Variants in AGTPBP1 observed in about 807,000 individuals in gnomAD.
AGTPBP1 encodes the protein cytosolic carboxypeptidase 1.
A neutral mutation model predicts 143.9 loss-of-function variants in AGTPBP1; 70 were observed. The ratio of observed to expected loss-of-function variants is 0.49; its 90% CI spans 0.40 to 0.59. The LOEUF (loss-of-function observed/expected upper bound fraction) is 0.59. AGTPBP1 is among the 20% of genes least tolerant of loss of function. The pLI, the probability that AGTPBP1 is intolerant of heterozygous loss-of-function variation, is 0.00. For synonymous variants in AGTPBP1, 463 were observed against 500.2 expected (o/e 0.93, Z 0.99); for missense variants, 1,229 against 1,464.5 (o/e 0.84, Z 2.62).
rs185539318 is a variant in AGTPBP1 at position 85,568,127 on chromosome 9, G to A, written c.3503+7188C>T. ...CTAAAATAAGGCTACTCAAGGTGTGGTCCATTGACCAGTGTGGTCCACAAA... is the reference window on the plus strand; with the variant it reads ...CTAAAATAAGGCTACTCAAGGTGTGATCCATTGACCAGTGTGGTCCACAAA... On this transcript the variant is annotated intron_variant, in intron 25 of 25. Coordinates refer to ENST00000357081, the MANE Select transcript of AGTPBP1 (RefSeq NM_001330701.2). Among the ~76,000 whole-genome samples the A allele has an allele frequency of 4.9e-3, 742 of 152,256 alleles. 4 individuals carry two copies. The highest frequency in any genetic ancestry group is 0.014 in the Middle Eastern group (4 of 294).
At chr9:85,728,700 G>C (rs1024032907) in intron 1 of AGTPBP1, among the ~76,000 whole-genome samples, 5 of 150,506 alleles carry the variant, frequency 3.3e-5, no homozygotes, top group Non-Finnish European at 7.4e-5. Flanking sequence ...GCCTACAAAA[G>C]ATGAAAAAAA....
the AGTPBP1 span, among the ~76,000 whole-genome samples, chr9:85,762,371 C>T: frequency 6.6e-6 from 1 of 152,026 alleles, no homozygotes; most frequent in Non-Finnish European, 1.5e-5. Context: ...GGAACCAACC[C>T]AAATGTCCAA....
chr9:85,692,335 A>G (rs1835933909), intron 3 of AGTPBP1, among the ~76,000 whole-genome samples: 1 of 148,264 alleles, frequency 6.7e-6, no homozygotes, highest in African/African-American at 2.5e-5. Flanking sequence ...GTGCAGTGGC[A>G]CGATCTCAGC....
intron 14 of AGTPBP1, among the ~76,000 whole-genome samples, chr9:85,626,321 A>G (rs895474991): frequency 6.6e-6 from 1 of 152,242 alleles, no homozygotes. Flanking sequence ...AAAACTGTAC[A>G]GTAGAAATTC....
chr9:85,680,130 A>G (rs1177646442), intron 4 of AGTPBP1, among the ~76,000 whole-genome samples: 1 of 152,212 alleles, frequency 6.6e-6, no homozygotes, highest in Non-Finnish European at 1.5e-5. Context: ...CTATAGTAGT[A>G]GTCTATCTAT....
At chr9:85,605,004 A>G (rs1829906787) in intron 17 of AGTPBP1, among the ~76,000 whole-genome samples, 1 of 152,206 alleles carries the variant, frequency 6.6e-6, no homozygotes, top group South Asian at 2.1e-4. Flanking sequence ...AATATCCTCA[A>G]AAGTACAAAT....
the AGTPBP1 span, among the ~76,000 whole-genome samples, chr9:85,803,258 G>C: frequency 1.3e-5 from 2 of 152,184 alleles, no homozygotes; most frequent in African/African-American, 4.8e-5. Context: ...TAATCACAAA[G>C]TGCAAACATA....
At chr9:85,619,451 C>T in intron 15 of AGTPBP1, 150 bp from the exon 16 acceptor site, 1 of 581,656 alleles carries the variant, frequency 1.7e-6, no homozygotes, top group Non-Finnish European at 2.9e-6. Context: ...CAAGCACAAT[C>T]AATACATTAA....
At chr9:85,758,205 A>G in the AGTPBP1 span, among the ~76,000 whole-genome samples, 1 of 152,224 alleles carries the variant, frequency 6.6e-6, no homozygotes, top group Non-Finnish European at 1.5e-5. Flanking sequence ...AACAAAAGGA[A>G]AAAATAAACT....
chr9:85,705,892 A>G (rs559016215), intron 2 of AGTPBP1, among the ~76,000 whole-genome samples: 802 of 151,938 alleles, frequency 5.3e-3, no homozygotes, highest in Middle Eastern at 0.01. Context: ...GGGTTTCACC[A>G]TGTTAGCCAG....
chr9:85,611,383 C>T (rs760328534), intron 17 of AGTPBP1, among the ~76,000 whole-genome samples: 1 of 150,894 alleles, frequency 6.6e-6, no homozygotes, highest in Non-Finnish European at 1.5e-5. Flanking sequence ...AGCAAACATA[C>T]ATCAAGCAAA....
In AGTPBP1 at chr9:85,692,832, G is replaced by A. The variant is rs1262085383; in HGVS notation, c.33-19C>T. On this transcript the variant is annotated intron_variant, in intron 2 of 25. Transcript: ENST00000357081. ...GGTAAGGCTAAAAAGAACGTAGAAT[G>A]TTAGGGCACATTCTAAATCAATGGT... 3 of 1,609,640 alleles carry A rather than the reference G, an allele frequency of 1.9e-6. No homozygotes were observed. The highest frequency in any genetic ancestry group is 1.7e-6 in the Non-Finnish European group (2 of 1,178,320).
chr9:85,676,038 AC>A (rs1264657252), intron 6 of AGTPBP1, among the ~76,000 whole-genome samples: 7 of 152,114 alleles, frequency 4.6e-5, no homozygotes, highest in Admixed American at 1.3e-4. Context: ...ATAAAAAAAA[AC>A]ATTTCATTAC....
intron 8 of AGTPBP1, among the ~76,000 whole-genome samples, chr9:85,667,211 C>G (rs980427305): frequency 6.6e-6 from 1 of 152,038 alleles, no homozygotes; most frequent in African/African-American, 2.4e-5. Flanking sequence ...GTGTATAATT[C>G]TTACACAGCT....
At chr9:85,713,949 C>A (rs554441813) in intron 1 of AGTPBP1, among the ~76,000 whole-genome samples, 2 of 152,036 alleles carry the variant, frequency 1.3e-5, no homozygotes, top group African/African-American at 4.8e-5. Context: ...AAAAATCTTA[C>A]GTGATTTCAA....
the AGTPBP1 span, chr9:85,793,307 T>C: frequency 6.6e-6 from 1 of 152,174 alleles, no homozygotes; most frequent in East Asian, 1.9e-4. Context: ...ATACAAGAAG[T>C]TAATTTTTTT....
chr9:85,654,778 G>A (rs755103244), intron 11 of AGTPBP1, among the ~76,000 whole-genome samples: 30 of 151,884 alleles, frequency 2.0e-4, no homozygotes, highest in African/African-American at 7.3e-4. Context: ...GGGAGGCAGA[G>A]GTTGCAGTGA....
chr9:85,764,680 G>T, the AGTPBP1 span: 2 of 846,406 alleles, frequency 2.4e-6, no homozygotes, highest in Middle Eastern at 2.3e-4. Context: ...AACTGTTTTC[G>T]GGGTGTCTGG....
chr9:85,661,824 G>C (rs1833872692), intron 8 of AGTPBP1, among the ~76,000 whole-genome samples: 1 of 151,956 alleles, frequency 6.6e-6, no homozygotes, highest in African/African-American at 2.4e-5. Context: ...GTACCTCTTG[G>C]TAATACATCA....
Sources: allele counts gnomAD v4.1 joint callset (sites outside exome capture counted in the v4.1 genomes callset), GRCh38; gene constraint gnomAD v4.1.1; transcripts MANE v1.5; gene names NCBI Gene and HGNC (gene_info 2026-07-23, HGNC 2026-07-21).